The following DOK5 variants were observed in gnomAD, a reference collection of about 807,000 sequenced individuals.
DOK5 encodes the protein downstream of tyrosine kinase 5.
A neutral mutation model predicts 43.3 loss-of-function variants in DOK5; 27 were observed. The ratio of observed to expected loss-of-function variants is 0.62; its 90% CI spans 0.46 to 0.86. The LOEUF (loss-of-function observed/expected upper bound fraction) is 0.86. Ranked by LOEUF, DOK5 falls within the 40% of genes least tolerant of loss-of-function variation. DOK5 has a pLI of 0.00. For missense variants in DOK5, 373 were observed against 392.9 expected, an observed-to-expected ratio of 0.95 and a Z score of 0.43; for synonymous variants, 146 against 140.1, an observed-to-expected ratio of 1.04 and a Z score of -0.30.
chr20:54,507,953 AT>A (rs1982871786), intron 1 of DOK5, among the ~76,000 whole-genome samples: 1 of 152,194 alleles, frequency 6.6e-6, no homozygotes, highest in Non-Finnish European at 1.5e-5. Flanking sequence ...GGGAAGTGAT[AT>A]GATTAAGCTA....
intron 1 of DOK5, among the ~76,000 whole-genome samples, chr20:54,519,989 A>G (rs773031973): frequency 2.6e-5 from 4 of 152,224 alleles, no homozygotes; most frequent in Non-Finnish European, 4.4e-5. Context: ...TTTAACCTCT[A>G]TGGTGCACAT....
chr20:54,525,385 G>A (rs116310660), intron 1 of DOK5, among the ~76,000 whole-genome samples: 155 of 152,278 alleles, frequency 1.0e-3, no homozygotes, highest in African/African-American at 3.6e-3. Flanking sequence ...TCCTTTGAAC[G>A]TATTTATGCA....
chr20:54,490,095 CT>C (rs1284639089), intron 1 of DOK5, among the ~76,000 whole-genome samples: 1 of 152,094 alleles, frequency 6.6e-6, no homozygotes, highest in Non-Finnish European at 1.5e-5. Context: ...GTTGTGCAGG[CT>C]TTTTTCTTTT....
chr20:54,600,912 C>A (rs1812872718), intron 5 of DOK5, among the ~76,000 whole-genome samples: 1 of 152,098 alleles, frequency 6.6e-6, no homozygotes, highest in Non-Finnish European at 1.5e-5. Context: ...GTGACATAAT[C>A]TTTTTTTTCT....
chr20:54,611,160 C>T (rs928319401), intron 6 of DOK5, among the ~76,000 whole-genome samples: 8 of 152,148 alleles, frequency 5.3e-5, no homozygotes, highest in Admixed American at 1.3e-4. Flanking sequence ...TCACAGTCAT[C>T]GGTATATAAA....
At position 54,641,159 on chromosome 20, in the gene DOK5, C is replaced by T. The variant is rs76091697; in HGVS notation, c.736-2299C>T. Among the ~76,000 whole-genome samples the T allele has an allele frequency of 1.0e-3, 159 of 152,194 alleles. 1 individual carries two copies. The East Asian group carries it at 0.023, about 22-fold the overall frequency. On this transcript the variant is annotated intron_variant, in intron 6 of 7. Coordinates refer to ENST00000262593, the MANE Select transcript of DOK5 (RefSeq NM_018431.5). ...CTAGCTTAGTACTTAGCTTTTGGAC[C>T]TTTTCATCTAAAAGTTTATTTTTAG...
intron 1 of DOK5, among the ~76,000 whole-genome samples, chr20:54,481,748 C>A (rs562419682): frequency 2.0e-5 from 3 of 152,330 alleles, no homozygotes; most frequent in African/African-American, 7.2e-5. Context: ...AGAGCATAGG[C>A]TCTGACATGT....
At chr20:54,612,411 C>CTGGG (rs1448874337) in intron 6 of DOK5, among the ~76,000 whole-genome samples, 1 of 152,160 alleles carries the variant, frequency 6.6e-6, no homozygotes, top group Non-Finnish European at 1.5e-5. Flanking sequence ...GTCAACCTGA[C>CTGGG]TGGGACACAG....
intron 1 of DOK5, among the ~76,000 whole-genome samples, chr20:54,553,916 ATTATAC>A (rs1287214413): frequency 1.3e-5 from 2 of 150,554 alleles, no homozygotes; most frequent in African/African-American, 4.9e-5. Flanking sequence ...AAAAAAAAAA[ATTATAC>A]TTAGTAATTT....
chr20:54,492,880 C>T (rs907021028), intron 1 of DOK5, among the ~76,000 whole-genome samples: 6 of 151,740 alleles, frequency 4.0e-5, no homozygotes, highest in Non-Finnish European at 5.9e-5. Context: ...ATAGTGAAAC[C>T]CTGTCTCTAC....
At chr20:54,553,896 C>CAAAAAAAA (rs761243905) in intron 1 of DOK5, among the ~76,000 whole-genome samples, 1 of 80,166 alleles carries the variant, frequency 1.2e-5, no homozygotes, top group African/African-American at 3.8e-5. Context: ...GACTCTGTCT[C>CAAAAAAAA]AAAAAAAAAA....
intron 6 of DOK5, among the ~76,000 whole-genome samples, chr20:54,629,968 G>A (rs1978485639): frequency 6.6e-6 from 1 of 152,242 alleles, no homozygotes; most frequent in African/African-American, 2.4e-5. Flanking sequence ...GAAAGGAACT[G>A]TGAGTCGGGT....
At chr20:54,596,156 G>T (rs536473674) in intron 5 of DOK5, among the ~76,000 whole-genome samples, 7 of 152,322 alleles carry the variant, frequency 4.6e-5, no homozygotes, top group African/African-American at 1.4e-4. Context: ...AGGATAATAA[G>T]ATCATTCGTG....
At chr20:54,572,108 T>C (rs942461241) in intron 2 of DOK5, among the ~76,000 whole-genome samples, 2 of 152,224 alleles carry the variant, frequency 1.3e-5, no homozygotes, top group Non-Finnish European at 2.9e-5. Flanking sequence ...TTTGAATTAC[T>C]GTCTCAGTTA....
intron 1 of DOK5, among the ~76,000 whole-genome samples, chr20:54,490,790 A>G (rs746522669): frequency 1.2e-4 from 19 of 152,038 alleles, no homozygotes; most frequent in Non-Finnish European, 2.2e-4. Context: ...GGGTTTCACC[A>G]TGTTGGCCAA....
chr20:54,509,261 G>T (rs182951166), intron 1 of DOK5, among the ~76,000 whole-genome samples: 1 of 152,320 alleles, frequency 6.6e-6, no homozygotes, highest in African/African-American at 2.4e-5. Flanking sequence ...TGCAGTCATG[G>T]CTCACTGTAG....
chr20:54,587,251 T>C (rs906298075), intron 2 of DOK5, among the ~76,000 whole-genome samples: 9 of 152,024 alleles, frequency 5.9e-5, no homozygotes, highest in African/African-American at 2.2e-4. Context: ...TGAGGAGAAG[T>C]GGTGTGACAT....
intron 1 of DOK5, among the ~76,000 whole-genome samples, chr20:54,486,199 C>A (rs6068891): frequency 6.6e-6 from 1 of 152,084 alleles, no homozygotes; most frequent in African/African-American, 2.4e-5. Flanking sequence ...AAGGTTATGC[C>A]TATGGATGTA....
At chr20:54,562,707 TG>T (rs767299482) in intron 2 of DOK5, among the ~76,000 whole-genome samples, 3 of 152,104 alleles carry the variant, frequency 2.0e-5, no homozygotes, top group Non-Finnish European at 4.4e-5. Flanking sequence ...CACGAGCCAC[TG>T]TGCCAGGCCT....
Sources: gnomAD v4.1 joint callset for allele counts (sites outside exome capture counted in the v4.1 genomes callset) on GRCh38, gnomAD v4.1.1 for gene constraint, MANE v1.5 for transcripts, NCBI Gene and HGNC (gene_info 2026-07-23, HGNC 2026-07-21) for gene names.